The following MBD5 variants were observed in gnomAD, a reference collection of about 807,000 sequenced individuals.
The protein encoded by MBD5 is methyl-CpG binding domain protein 5, also known as methyl-CpG-binding domain protein 5.
MBD5 carries 13 observed loss-of-function variants against 117.3 expected under a neutral mutation model. That is an observed-to-expected ratio of 0.11 (90% CI 0.07 to 0.18). MBD5 has a LOEUF of 0.18. MBD5 is among the 10% of genes least tolerant of loss of function. MBD5 has a pLI of 1.00. For missense variants in MBD5, 1,879 were observed against 2,093.8 expected (o/e 0.90, Z 2.00); for synonymous variants, 727 against 766.4 (o/e 0.95, Z 0.85).
At chr2:148,209,865 G>C (rs1175865239) in intron 2 of MBD5, among the ~76,000 whole-genome samples, 2 of 152,108 alleles carry the variant, frequency 1.3e-5, no homozygotes. Flanking sequence ...GTCACCAGGG[G>C]ATGGCACTAA....
intron 4 of MBD5, among the ~76,000 whole-genome samples, chr2:148,414,544 A>G (rs1158240495): frequency 6.6e-6 from 1 of 152,088 alleles, no homozygotes; most frequent in Non-Finnish European, 1.5e-5. Flanking sequence ...TGATCTGCCT[A>G]GTACTGTTAG....
intron 2 of MBD5, among the ~76,000 whole-genome samples, chr2:148,184,279 C>T (rs929583405): frequency 1.6e-4 from 25 of 152,298 alleles, no homozygotes; most frequent in Non-Finnish European, 2.8e-4. Flanking sequence ...TCCCACAGTG[C>T]TGGGATTGTA....
chr2:148,038,987 A>G (rs562461109), intron 1 of MBD5, among the ~76,000 whole-genome samples: 4 of 152,284 alleles, frequency 2.6e-5, no homozygotes, highest in African/African-American at 9.6e-5. Flanking sequence ...AAAGCTAGAC[A>G]TAGTAACAAC....
chr2:148,489,804 T>C lies in MBD5; in HGVS notation c.4172T>C (p.Leu1391Pro), dbSNP rs749546606. The change falls in exon 11 of 14, where the codon CTG becomes CCG. Residue 1391 changes from leucine to proline, a missense_variant. Physicochemically the swap from Leu to Pro is moderately conservative, Grantham distance 98. Coordinates refer to ENST00000642680, the MANE Select transcript of MBD5 (RefSeq NM_001378120.1). ...NMGGVDHDGR[L>P]RNSRGARLPK... ...GGAGGTGTTGATCATGATGGTAGGC[T>C]GAGGAATTCAAGAGGGGCTCGGCTG... The C allele has an allele frequency of 6.2e-7, 1 of 1,614,008 alleles. No individual in the cohort carries two copies. Among genetic ancestry groups the C allele is most frequent in the South Asian group, 1.1e-5 (1 of 91,058 alleles).
At chr2:148,113,489 T>C (rs1696550414) in intron 1 of MBD5, among the ~76,000 whole-genome samples, 2 of 152,198 alleles carry the variant, frequency 1.3e-5, no homozygotes, top group Non-Finnish European at 2.9e-5. Flanking sequence ...GACTAGAAGA[T>C]AGAGGAGCTT....
intron 4 of MBD5, among the ~76,000 whole-genome samples, chr2:148,437,373 G>T (rs570670258): frequency 6.6e-6 from 1 of 152,180 alleles, no homozygotes; most frequent in African/African-American, 2.4e-5. Context: ...CAAGACCACT[G>T]CTGCAGCATA....
chr2:148,373,085 A>G (rs1703900084), intron 4 of MBD5, among the ~76,000 whole-genome samples: 1 of 152,134 alleles, frequency 6.6e-6, no homozygotes, highest in African/African-American at 2.4e-5. Context: ...ACGTTTTGAT[A>G]TGGCTACAAT....
intron 4 of MBD5, among the ~76,000 whole-genome samples, chr2:148,386,197 T>TA (rs1704355686): frequency 6.6e-6 from 1 of 151,958 alleles, no homozygotes; most frequent in Non-Finnish European, 1.5e-5. Context: ...CAAAAGCTTT[T>TA]AAAAAAGTAA....
At chr2:148,313,313 G>T (rs181311930) in intron 3 of MBD5, among the ~76,000 whole-genome samples, 2 of 152,208 alleles carry the variant, frequency 1.3e-5, no homozygotes, top group African/African-American at 4.8e-5. Context: ...ATAAGCCCCT[G>T]ACTGGGGCTG....
intron 3 of MBD5, among the ~76,000 whole-genome samples, chr2:148,315,866 A>G (rs1702145376): frequency 6.6e-6 from 1 of 152,150 alleles, no homozygotes; most frequent in African/African-American, 2.4e-5. Context: ...CACCAGTTTC[A>G]TTAGTCCGTT....
intron 4 of MBD5, among the ~76,000 whole-genome samples, chr2:148,431,396 A>G (rs1705978720): frequency 6.6e-6 from 1 of 152,086 alleles, no homozygotes; most frequent in Non-Finnish European, 1.5e-5. Flanking sequence ...CTGGCCTTTA[A>G]CATTTGTTTT....
At chr2:148,252,197 T>C (rs1700482087) in intron 3 of MBD5, among the ~76,000 whole-genome samples, 3 of 152,304 alleles carry the variant, frequency 2.0e-5, no homozygotes, top group Admixed American at 2.0e-4. Context: ...TCACGGTGAC[T>C]CACGCCTGTA....
At chr2:148,028,865 A>T (rs917849271) in intron 1 of MBD5, among the ~76,000 whole-genome samples, 1 of 152,102 alleles carries the variant, frequency 6.6e-6, no homozygotes, top group African/African-American at 2.4e-5. Context: ...TGTTATTCCA[A>T]AATCATTTTC....
chr2:148,089,601 C>G (rs1695883652), intron 1 of MBD5, among the ~76,000 whole-genome samples: 1 of 151,878 alleles, frequency 6.6e-6, no homozygotes, highest in African/African-American at 2.4e-5. Flanking sequence ...ATCTTTGGGT[C>G]AACAATGAAA....
At chr2:148,252,266 C>A (rs1392751389) in intron 3 of MBD5, among the ~76,000 whole-genome samples, 1 of 151,918 alleles carries the variant, frequency 6.6e-6, no homozygotes, top group African/African-American at 2.4e-5. Flanking sequence ...AGTTCAAGGC[C>A]AGCCTGAACA....
chr2:148,325,707 C>G (rs1160421689), intron 3 of MBD5, among the ~76,000 whole-genome samples: 2 of 151,944 alleles, frequency 1.3e-5, no homozygotes, highest in Non-Finnish European at 2.9e-5. Context: ...TTTATTGCGT[C>G]TACTTGATTC....
chr2:148,397,576 G>A (rs545149092), intron 4 of MBD5, among the ~76,000 whole-genome samples: 1 of 152,108 alleles, frequency 6.6e-6, no homozygotes, highest in East Asian at 1.9e-4. Flanking sequence ...TGATCCACCC[G>A]CCTCGGCCTC....
chr2:148,047,647 A>G (rs1370192372), intron 1 of MBD5, among the ~76,000 whole-genome samples: 5 of 152,206 alleles, frequency 3.3e-5, no homozygotes, highest in Admixed American at 2.6e-4. Context: ...TAGAGTGACT[A>G]GGGGAGAAAG....
At chr2:148,200,993 A>T (rs1450009094) in intron 2 of MBD5, among the ~76,000 whole-genome samples, 1 of 152,170 alleles carries the variant, frequency 6.6e-6, no homozygotes, top group African/African-American at 2.4e-5. Context: ...TTGTGTACCA[A>T]CCATCTGCCA....
Sources: gnomAD v4.1 joint callset for allele counts (sites outside exome capture counted in the v4.1 genomes callset) on GRCh38, gnomAD v4.1.1 for gene constraint, MANE v1.5 for transcripts, NCBI Gene and HGNC (gene_info 2026-07-23, HGNC 2026-07-21) for gene names.